The following BBS9 variants were observed in gnomAD, a reference collection of about 807,000 sequenced individuals.
The protein encoded by BBS9 is Bardet-Biedl syndrome 9, also known as protein PTHB1.
In BBS9, 89 loss-of-function variants were observed where a neutral mutation model predicts 117.7. That is an observed-to-expected ratio of 0.76 (90% CI 0.64 to 0.90). The LOEUF (loss-of-function observed/expected upper bound fraction) is 0.90. Among genes scored for constraint, BBS9 ranks in the 40% least tolerant of loss-of-function variants. The probability of loss-of-function intolerance (pLI) is 0.00; values close to 1 mark genes in which losing one functional copy is unlikely to be tolerated. For missense variants in BBS9, 982 were observed against 1,042.2 expected, an observed-to-expected ratio of 0.94 and a Z score of 0.80; for synonymous variants, 379 against 370.9, an observed-to-expected ratio of 1.02 and a Z score of -0.25.
chr7:33,487,657 G>A (rs976395578), intron 19 of BBS9, among the ~76,000 whole-genome samples: 4 of 152,274 alleles, frequency 2.6e-5, no homozygotes, highest in African/African-American at 9.6e-5. Flanking sequence ...AGAGATCTGG[G>A]CCATTTCTTT....
downstream of BBS9, among the ~76,000 whole-genome samples, chr7:33,608,427 T>C (rs188351366): frequency 6.6e-6 from 1 of 152,236 alleles, no homozygotes; most frequent in East Asian, 1.9e-4. Context: ...CTAGGTGGAA[T>C]GGTAGTTCTA....
intron 5 of BBS9, among the ~76,000 whole-genome samples, chr7:33,226,499 A>C (rs1163439668): frequency 6.6e-6 from 1 of 152,204 alleles, no homozygotes; most frequent in Non-Finnish European, 1.5e-5. Context: ...ATTAATACTC[A>C]AAACAATTAA....
chr7:33,350,431 T>C (rs1178107915), intron 13 of BBS9, among the ~76,000 whole-genome samples: 2 of 152,214 alleles, frequency 1.3e-5, no homozygotes, highest in African/African-American at 2.4e-5. Flanking sequence ...AAATAATTTA[T>C]TTTTTCCATT....
intron 1 of BBS9, among the ~76,000 whole-genome samples, chr7:33,131,476 C>T (rs1404428982): frequency 1.3e-5 from 2 of 152,200 alleles, no homozygotes; most frequent in Admixed American, 6.5e-5. Flanking sequence ...CCTTCAAAAG[C>T]AGTATACTTC....
At chr7:33,194,036 T>C (rs1414483972) in intron 5 of BBS9, among the ~76,000 whole-genome samples, 1 of 152,178 alleles carries the variant, frequency 6.6e-6, no homozygotes, top group East Asian at 1.9e-4. Flanking sequence ...TTGCTGGAGA[T>C]ATTTATTTAG....
At chr7:33,160,063 T>C (rs1041819154) in intron 4 of BBS9, among the ~76,000 whole-genome samples, 1 of 152,220 alleles carries the variant, frequency 6.6e-6, no homozygotes, top group Non-Finnish European at 1.5e-5. Context: ...GCACAGATAC[T>C]GCTGTTTAGC....
rs192434877 is a variant in BBS9, at chr7:33,481,236, A to G, written c.2116-24227A>G. 5.6e-4 allele frequency among the ~76,000 whole-genome samples: 85 copies of G among 152,318 alleles called. 1 individual carries two copies. Among genetic ancestry groups the G allele is most frequent in the Middle Eastern group, 6.8e-3 (2 of 294 alleles). On this transcript the variant is annotated intron_variant, in intron 19 of 22. Transcript: ENST00000242067. The stretch of plus-strand genomic sequence containing the variant: ...GTATGGTAGTGGGAATACTCAGAGT[A>G]TGGATAGGTGATGAGTGATCCAAGT...
At chr7:33,494,389 G>T (rs1844436179) in intron 19 of BBS9, among the ~76,000 whole-genome samples, 1 of 152,168 alleles carries the variant, frequency 6.6e-6, no homozygotes, top group Non-Finnish European at 1.5e-5. Flanking sequence ...ACTCTGTGAT[G>T]ATGTATTTTA....
chr7:33,565,217 A>T (rs113454304), intron 21 of BBS9, among the ~76,000 whole-genome samples: 1,996 of 152,294 alleles, frequency 0.013, 41 homozygotes, highest in South Asian at 0.092. Context: ...AGTGTTTCAC[A>T]TATTTCCATG....
intron 21 of BBS9, among the ~76,000 whole-genome samples, chr7:33,536,317 C>G (rs1160591238): frequency 6.6e-6 from 1 of 152,172 alleles, no homozygotes; most frequent in East Asian, 1.9e-4. Context: ...TTGTCTTGAT[C>G]TAATCAGAAT....
At chr7:33,544,187 A>G (rs576565640) in intron 21 of BBS9, among the ~76,000 whole-genome samples, 13 of 152,076 alleles carry the variant, frequency 8.5e-5, no homozygotes, top group Non-Finnish European at 1.5e-4. Context: ...AACCTCCTGA[A>G]TTCTTTTTCA....
intron 19 of BBS9, among the ~76,000 whole-genome samples, chr7:33,452,195 CT>C (rs201032164): frequency 1.9e-3 from 268 of 144,662 alleles, no homozygotes; most frequent in Middle Eastern, 7.1e-3. Context: ...TTATTTTTAT[CT>C]TTTTTTTTTT....
At chr7:33,530,341 AT>A (rs1278255052) in intron 20 of BBS9, among the ~76,000 whole-genome samples, 6 of 152,220 alleles carry the variant, frequency 3.9e-5, no homozygotes, top group African/African-American at 1.4e-4. Flanking sequence ...CATCAGGAAA[AT>A]AAATTCTGTA....
intron 21 of BBS9, among the ~76,000 whole-genome samples, chr7:33,597,182 G>A (rs1862992024): frequency 6.6e-6 from 1 of 151,740 alleles, no homozygotes; most frequent in South Asian, 2.1e-4. Context: ...ATTTAAGATA[G>A]TGCGATATTC....
chr7:33,423,871 G>A (rs1833248447), intron 19 of BBS9, among the ~76,000 whole-genome samples: 1 of 152,070 alleles, frequency 6.6e-6, no homozygotes, highest in Admixed American at 6.5e-5. Context: ...TTCCCAGGTG[G>A]GAAAGTGAAA....
intron 9 of BBS9, among the ~76,000 whole-genome samples, chr7:33,302,094 T>G (rs1466089399): frequency 6.6e-6 from 1 of 152,186 alleles, no homozygotes; most frequent in African/African-American, 2.4e-5. Flanking sequence ...AAATTCCTAT[T>G]CAGATCTTTT....
At chr7:33,137,539 A>G (rs1437683769) in intron 1 of BBS9, among the ~76,000 whole-genome samples, 1 of 152,196 alleles carries the variant, frequency 6.6e-6, no homozygotes, top group African/African-American at 2.4e-5. Context: ...CTGCTGCCTA[A>G]GTTGTCTTTT....
intron 9 of BBS9, among the ~76,000 whole-genome samples, chr7:33,313,521 T>C (rs1809776822): frequency 6.6e-6 from 1 of 152,226 alleles, no homozygotes; most frequent in South Asian, 2.1e-4. Flanking sequence ...GTAAGTCTAA[T>C]AAGAGTTAGT....
At chr7:33,385,272 A>G (rs534263341) in intron 18 of BBS9, among the ~76,000 whole-genome samples, 9 of 152,284 alleles carry the variant, frequency 5.9e-5, no homozygotes, top group Admixed American at 5.2e-4. Flanking sequence ...GAATATGGTG[A>G]ATGACAGGCA....
Sources: allele counts gnomAD v4.1 joint callset (sites outside exome capture counted in the v4.1 genomes callset), GRCh38; gene constraint gnomAD v4.1.1; transcripts MANE v1.5; gene names NCBI Gene and HGNC (gene_info 2026-07-23, HGNC 2026-07-21).